The following TMCC3 variants were observed in gnomAD, a reference collection of about 807,000 sequenced individuals.
The protein encoded by TMCC3 is transmembrane and coiled-coil domain family 3.
In TMCC3, 28 loss-of-function variants were observed where a neutral mutation model predicts 40.2. The observed-to-expected ratio is 0.70, with a 90% CI of 0.52 to 0.95. TMCC3 has a LOEUF of 0.95. Among genes scored for constraint, TMCC3 ranks in the 40% least tolerant of loss-of-function variants. The pLI, the probability that TMCC3 is intolerant of heterozygous loss-of-function variation, is 0.00. For missense variants in TMCC3, 554 were observed against 615.2 expected (o/e 0.90, Z 1.05); for synonymous variants, 255 against 248.5 (o/e 1.03, Z -0.25).
chr12:94,579,043 A>T (rs537321444), intron 2 of TMCC3, among the ~76,000 whole-genome samples: 2 of 152,358 alleles, frequency 1.3e-5, no homozygotes, highest in East Asian at 3.9e-4. Flanking sequence ...ACACGCACTG[A>T]TTATGGATTT....
chr12:94,616,797 C>G lies in TMCC3; in HGVS notation c.78+33556G>C, dbSNP rs146641381. Among the ~76,000 whole-genome samples, 471 of 152,336 alleles carry G rather than the reference C, an allele frequency of 3.1e-3. 10 individuals are homozygous for G. Among genetic ancestry groups the G allele is most frequent in the Admixed American group, 0.021 (329 of 15,306 alleles). On this transcript the variant is annotated intron_variant, in intron 1 of 3. Transcript: ENST00000261226. ...GACTTGGTGCAGTTGAAGACTGGGA[C>G]AGCAGATGGGTCACACCCGGAGGGT...
chr12:94,612,171 G>A (rs1196782112), intron 1 of TMCC3, among the ~76,000 whole-genome samples: 1 of 152,028 alleles, frequency 6.6e-6, no homozygotes, highest in African/African-American at 2.4e-5. Flanking sequence ...GCTAATTTTT[G>A]TATTTTTTTG....
At chr12:94,583,944 G>T (rs1233633274) in intron 1 of TMCC3, among the ~76,000 whole-genome samples, 1 of 152,098 alleles carries the variant, frequency 6.6e-6, no homozygotes, top group East Asian at 1.9e-4. Flanking sequence ...CCTTTGATTA[G>T]ATTAATGACT....
chr12:94,605,677 A>G (rs2068778261), intron 1 of TMCC3, among the ~76,000 whole-genome samples: 1 of 152,198 alleles, frequency 6.6e-6, no homozygotes. Context: ...TCAAACTCCA[A>G]TTATTATCAC....
chr12:94,625,974 C>T (rs1399529683), intron 1 of TMCC3, among the ~76,000 whole-genome samples: 2 of 152,092 alleles, frequency 1.3e-5, no homozygotes, highest in African/African-American at 2.4e-5. Context: ...AGATACTACC[C>T]GAGATTGGGT....
chr12:94,567,485 C>T lies in TMCC3; in HGVS notation c.*3950G>A, dbSNP rs1432412027. ...AATCATTCCTAAAACAATCAAGGTG[C>T]ATTACTTTCTAGCTTCTTATAAATT... is the stretch of plus-strand genomic sequence containing the variant. On this transcript the variant is annotated 3_prime_UTR_variant, in exon 4 of 4. Coordinates refer to ENST00000261226, the MANE Select transcript of TMCC3 (RefSeq NM_020698.4). 1 of 152,172 alleles carries T rather than the reference C, an allele frequency of 6.6e-6. No homozygotes were observed. Among genetic ancestry groups the T allele is most frequent in the African/African-American group, 2.4e-5 (1 of 41,444 alleles). The allele number at this position is 152,172 out of a possible 1,614,324, so 9.4% of individuals were successfully genotyped here.
chr12:94,588,587 T>C (rs2068651931), intron 1 of TMCC3, among the ~76,000 whole-genome samples: 1 of 152,186 alleles, frequency 6.6e-6, no homozygotes. Flanking sequence ...CAAGTACATG[T>C]GAGTGAAGAT....
chr12:94,598,644 T>C, intron 1 of TMCC3: 1 of 985,416 alleles, frequency 1.0e-6, no homozygotes, highest in Non-Finnish European at 1.2e-6. Context: ...CCTCTTTGGC[T>C]AAAGCTCCAG....
chr12:94,574,778 C>T (rs1308923718), intron 3 of TMCC3, among the ~76,000 whole-genome samples: 3 of 152,190 alleles, frequency 2.0e-5, no homozygotes, highest in African/African-American at 4.8e-5. Flanking sequence ...CCAAGGTTTC[C>T]TCTATTTTAG....
intron 1 of TMCC3, among the ~76,000 whole-genome samples, chr12:94,619,434 T>C (rs1594290882): frequency 6.6e-6 from 1 of 152,358 alleles, no homozygotes. Flanking sequence ...CTGAACTCTT[T>C]AAACACCTTT....
At chr12:94,573,550 C>T (rs889896462) in intron 3 of TMCC3, among the ~76,000 whole-genome samples, 3 of 152,144 alleles carry the variant, frequency 2.0e-5, no homozygotes, top group Non-Finnish European at 2.9e-5. Context: ...CAGCCGCTTG[C>T]CCTGTCACAG....
At chr12:94,605,396 A>G (rs1488663793) in intron 1 of TMCC3, among the ~76,000 whole-genome samples, 1 of 152,240 alleles carries the variant, frequency 6.6e-6, no homozygotes, top group African/African-American at 2.4e-5. Flanking sequence ...TCACATAAGA[A>G]TGGTTCATTC....
intron 3 of TMCC3, among the ~76,000 whole-genome samples, chr12:94,576,360 G>A (rs1156686354): frequency 6.6e-6 from 1 of 152,208 alleles, no homozygotes; most frequent in Non-Finnish European, 1.5e-5. Flanking sequence ...CTATCTTTAT[G>A]TTTAATTTTC....
At chr12:94,631,346 C>T (rs985964949) in intron 1 of TMCC3, among the ~76,000 whole-genome samples, 8 of 152,056 alleles carry the variant, frequency 5.3e-5, no homozygotes, top group African/African-American at 7.2e-5. Context: ...ACAATGTAAC[C>T]GTATTTCAAG....
intron 1 of TMCC3, among the ~76,000 whole-genome samples, chr12:94,602,871 G>C (rs975847405): frequency 6.6e-6 from 1 of 152,094 alleles, no homozygotes; most frequent in Non-Finnish European, 1.5e-5. Context: ...TCACTCGGGG[G>C]ACCTGGGATC....
At chr12:94,578,918 A>G (rs1253565545) in intron 2 of TMCC3, among the ~76,000 whole-genome samples, 1 of 152,110 alleles carries the variant, frequency 6.6e-6, no homozygotes, top group South Asian at 2.1e-4. Flanking sequence ...CCTTTTCCCT[A>G]TTCTGCCCTG....
At chr12:94,623,389 A>G (rs2068886164) in intron 1 of TMCC3, among the ~76,000 whole-genome samples, 1 of 152,200 alleles carries the variant, frequency 6.6e-6, no homozygotes. Flanking sequence ...CAGATGAGGG[A>G]CCAAGGCTCA....
At chr12:94,631,332 C>T (rs2068932564) in intron 1 of TMCC3, among the ~76,000 whole-genome samples, 1 of 152,162 alleles carries the variant, frequency 6.6e-6, no homozygotes, top group Non-Finnish European at 1.5e-5. Flanking sequence ...ACCCCCACTA[C>T]CTCACAATGT....
chr12:94,638,065 C>T (rs1189921141), intron 1 of TMCC3, among the ~76,000 whole-genome samples: 2 of 152,210 alleles, frequency 1.3e-5, no homozygotes, highest in South Asian at 2.1e-4. Context: ...AAGCAAAGGT[C>T]AGATGAGAGA....
Sources: allele counts gnomAD v4.1 joint callset (sites outside exome capture counted in the v4.1 genomes callset), GRCh38; gene constraint gnomAD v4.1.1; transcripts MANE v1.5; gene names NCBI Gene and HGNC (gene_info 2026-07-23, HGNC 2026-07-21).